The following PPP2R5C variants were observed in gnomAD, a reference collection of about 807,000 sequenced individuals.
The protein encoded by PPP2R5C is protein phosphatase 2 regulatory subunit B'gamma, also known as serine/threonine-protein phosphatase 2A 56 kDa regulatory subunit gamma isoform.
Under a neutral mutation model 68.9 loss-of-function variants are expected in PPP2R5C, and 7 were observed. The observed-to-expected ratio is 0.10, with a 90% CI of 0.06 to 0.19. The LOEUF (loss-of-function observed/expected upper bound fraction) is 0.19. PPP2R5C is among the 10% of genes least tolerant of loss of function. PPP2R5C has a pLI of 1.00. For missense variants in PPP2R5C, 348 were observed against 641.3 expected (o/e 0.54, Z 4.94); for synonymous variants, 210 against 222.2 (o/e 0.95, Z 0.49).
Position 101,877,061 on chromosome 14 carries a change from G to A in PPP2R5C, c.295-5100G>A, listed in dbSNP as rs1295210408. On this transcript the variant is annotated intron_variant, in intron 2 of 13. Coordinates refer to ENST00000334743, the Ensembl canonical transcript of PPP2R5C. This position sits in a 1 kb window ranked among gnomAD's most constrained non-coding sequence, Gnocchi z 4.2. ...CCTCCCAGATTCAAGTGATTCTCCT[G>A]CCTCAGCCTCCCGAGTAGCTGGGAT... Among the ~76,000 whole-genome samples, 2 of 141,048 alleles carry A rather than the reference G, an allele frequency of 1.4e-5. No homozygotes were observed. The highest frequency in any genetic ancestry group is 3.0e-5 in the Non-Finnish European group (2 of 66,934). The allele number at this position is 141,048 out of a possible 152,430, so 92.5% of individuals were successfully genotyped here.
chr14:101,850,935 C>T (rs905019629), intron 1 of PPP2R5C, among the ~76,000 whole-genome samples: 2 of 152,154 alleles, frequency 1.3e-5, no homozygotes, highest in Admixed American at 1.3e-4. Flanking sequence ...AAATTTGCCC[C>T]AAGTTGTTAG....
chr14:101,898,338 A>G (rs1316062575), intron 8 of PPP2R5C, among the ~76,000 whole-genome samples: 4 of 152,108 alleles, frequency 2.6e-5, no homozygotes, highest in Non-Finnish European at 4.4e-5. Context: ...CTCCCACCTA[A>G]GCCACTGTCC....
At chr14:101,907,569 T>C (rs2046114864) in intron 10 of PPP2R5C, among the ~76,000 whole-genome samples, 1 of 152,190 alleles carries the variant, frequency 6.6e-6, no homozygotes, top group South Asian at 2.1e-4. Context: ...CCATTGTATA[T>C]TGTAATTATA....
At chr14:101,771,084 G>A (rs1489227263) in intron 2 of PPP2R5C, among the ~76,000 whole-genome samples, 1 of 152,222 alleles carries the variant, frequency 6.6e-6, no homozygotes, top group Non-Finnish European at 1.5e-5. Context: ...AGTGAAGGAA[G>A]TGCTGCTTCC....
intron 13 of PPP2R5C, among the ~76,000 whole-genome samples, chr14:101,923,516 A>G (rs903337717): frequency 5.9e-5 from 9 of 152,236 alleles, no homozygotes; most frequent in African/African-American, 1.9e-4. Context: ...CATGCTTTAC[A>G]TCCTCACACG....
intron 2 of PPP2R5C, among the ~76,000 whole-genome samples, chr14:101,767,762 T>C (rs1331030059): frequency 6.6e-6 from 1 of 152,190 alleles, no homozygotes; most frequent in African/African-American, 2.4e-5. Context: ...CCCAGGGGCA[T>C]CAGAAAGAGG....
chr14:101,919,883 C>T (rs1022978698), intron 13 of PPP2R5C, among the ~76,000 whole-genome samples: 2 of 146,414 alleles, frequency 1.4e-5, no homozygotes, highest in African/African-American at 5.2e-5. Context: ...GCAGGAGAAT[C>T]GCTTGAACCT....
At chr14:101,911,005 A>C (rs998416001) in intron 11 of PPP2R5C, among the ~76,000 whole-genome samples, 3 of 151,552 alleles carry the variant, frequency 2.0e-5, no homozygotes, top group African/African-American at 7.3e-5. Flanking sequence ...TCAGAGTCTG[A>C]GGCAGGAGAA....
At chr14:101,787,078 T>C (rs1165525972) in intron 3 of PPP2R5C, among the ~76,000 whole-genome samples, 2 of 152,014 alleles carry the variant, frequency 1.3e-5, no homozygotes, top group Non-Finnish European at 1.5e-5. Context: ...ATAGGGAGAC[T>C]CCGTCTCTAC....
At chr14:101,860,351 T>G (rs1342726123) in intron 2 of PPP2R5C, among the ~76,000 whole-genome samples, 2 of 152,228 alleles carry the variant, frequency 1.3e-5, no homozygotes, top group Non-Finnish European at 2.9e-5. Context: ...TTCTCAAGGT[T>G]CATCCACGTG....
chr14:101,835,664 C>T lies in PPP2R5C; in HGVS notation c.95-21022C>T, dbSNP rs997576759. On this transcript the variant is annotated intron_variant, in intron 1 of 13. Coordinates refer to ENST00000334743, the Ensembl canonical transcript of PPP2R5C. The surrounding 1 kb of genome is among the most constrained non-coding windows in gnomAD (Gnocchi z 5.0). ...CATCTGAGGTCTCCCGGGGGACAGA[C>T]ACAGTCTTCATCTTGAGCAGGAACG... is the stretch of plus-strand genomic sequence containing the variant. Among the ~76,000 whole-genome samples the T allele has an allele frequency of 1.2e-4, 18 of 152,238 alleles. No homozygotes were observed. The highest frequency in any genetic ancestry group is 1.1e-3 in the Admixed American group (17 of 15,286).
chr14:101,914,106 G>A, intron 12 of PPP2R5C: 2 of 448,552 alleles, frequency 4.5e-6, no homozygotes, highest in South Asian at 3.2e-5. Context: ...AACTTTTCCT[G>A]AATGTTCTCA....
intron 1 of PPP2R5C, chr14:101,836,129 CTG>C (rs1278858883): frequency 8.9e-6 from 6 of 672,596 alleles, no homozygotes; most frequent in South Asian, 3.1e-5. Flanking sequence ...AAATAAGAAA[CTG>C]AGATTTCCTA....
chr14:101,923,549 G>A (rs745364978), intron 13 of PPP2R5C, among the ~76,000 whole-genome samples: 5 of 152,164 alleles, frequency 3.3e-5, no homozygotes, highest in Admixed American at 6.5e-5. Flanking sequence ...TACAAGTACC[G>A]TGATGGGTGA....
chr14:101,803,263 T>C (rs2038943788), intron 3 of PPP2R5C: 1 of 152,262 alleles, frequency 6.6e-6, no homozygotes, highest in Non-Finnish European at 1.5e-5. Context: ...AAAATTGGAA[T>C]GATACAGAGA....
intron 1 of PPP2R5C, among the ~76,000 whole-genome samples, chr14:101,822,107 G>T (rs2040121508): frequency 8.9e-6 from 1 of 112,422 alleles, no homozygotes; most frequent in African/African-American, 3.7e-5. Context: ...CACATCCCTT[G>T]CTAAATTATT....
chr14:101,883,619 C>G lies in PPP2R5C; in HGVS notation c.629+57C>G, dbSNP rs183369378. 6 of 1,581,856 alleles carry G rather than the reference C, an allele frequency of 3.8e-6. No homozygotes were observed. The African/African-American group carries it at 6.8e-5, about 18-fold the overall frequency. ...GTGTGGTGATGCTCATTTCCCCCCT[C>G]GATGCTCCCCTACCCCATCGTCTCC... is the stretch of plus-strand genomic sequence containing the variant. On this transcript the variant is annotated intron_variant, in intron 5 of 13. Transcript: ENST00000334743.
intron 8 of PPP2R5C, among the ~76,000 whole-genome samples, chr14:101,898,291 C>T (rs908746076): frequency 6.6e-6 from 1 of 152,086 alleles, no homozygotes; most frequent in African/African-American, 2.4e-5. Context: ...GAACAATTCA[C>T]CAAATGCCAC....
At chr14:101,862,881 A>G (rs1258249148) in intron 2 of PPP2R5C, among the ~76,000 whole-genome samples, 1 of 141,264 alleles carries the variant, frequency 7.1e-6, no homozygotes, top group Non-Finnish European at 1.5e-5. Context: ...GTGCGGTGGC[A>G]TGGTCATTAC....
Sources: allele counts gnomAD v4.1 joint callset (sites outside exome capture counted in the v4.1 genomes callset), GRCh38; gene constraint gnomAD v4.1.1; non-coding constraint Gnocchi (gnomAD v3.1); transcripts MANE v1.5; gene names NCBI Gene and HGNC (gene_info 2026-07-23, HGNC 2026-07-21).